Variants in MTFR1 observed in about 807,000 individuals in gnomAD.
MTFR1 encodes the protein chondrocyte protein with a poly-proline region.
In MTFR1, 28 loss-of-function variants were observed where a neutral mutation model predicts 38.8. The ratio of observed to expected loss-of-function variants is 0.72; its 90% CI spans 0.53 to 0.99. The LOEUF (loss-of-function observed/expected upper bound fraction) is 0.99. Ranked by LOEUF, MTFR1 falls within the 50% of genes least tolerant of loss-of-function variation. MTFR1 has a pLI of 0.00. For synonymous variants in MTFR1, 145 were observed against 137.0 expected (o/e 1.06, Z -0.41); for missense variants, 358 against 395.5 (o/e 0.91, Z 0.81).
intron 1 of MTFR1, among the ~76,000 whole-genome samples, chr8:65,667,319 T>A (rs1223319908): frequency 6.6e-6 from 1 of 150,606 alleles, no homozygotes; most frequent in Non-Finnish European, 1.5e-5. Context: ...CATGTTAAAA[T>A]TTTCTATAGA....
chr8:65,676,560 C>T (rs1028092914), intron 2 of MTFR1, among the ~76,000 whole-genome samples: 4 of 152,094 alleles, frequency 2.6e-5, no homozygotes, highest in Admixed American at 2.6e-4. Flanking sequence ...GACAGGGTTT[C>T]ACCATGTTGG....
intron 4 of MTFR1, among the ~76,000 whole-genome samples, chr8:65,695,556 C>T (rs1805416795): frequency 6.6e-6 from 1 of 152,108 alleles, no homozygotes; most frequent in African/African-American, 2.4e-5. Flanking sequence ...GGGGTTTCAC[C>T]ACGTTGGCCA....
chr8:65,652,689 T>C (rs569337482), intron 1 of MTFR1, among the ~76,000 whole-genome samples: 128 of 152,394 alleles, frequency 8.4e-4, no homozygotes, highest in Non-Finnish European at 1.4e-3. Context: ...ATAGAAATGC[T>C]ACTGAGTTTT....
At chr8:65,764,493 T>A (rs1278799864) in intron 3 of MTFR1, among the ~76,000 whole-genome samples, 1 of 152,174 alleles carries the variant, frequency 6.6e-6, no homozygotes, top group East Asian at 1.9e-4. Context: ...TGCAGTACAG[T>A]ATGAAAGTTA....
intron 3 of MTFR1, among the ~76,000 whole-genome samples, chr8:65,692,193 T>A (rs1300125028): frequency 6.6e-6 from 1 of 152,190 alleles, no homozygotes; most frequent in Non-Finnish European, 1.5e-5. Context: ...CACTCATACT[T>A]TTAGTAAGTA....
At chr8:65,753,163 T>G (rs1178760386) in intron 3 of MTFR1, among the ~76,000 whole-genome samples, 2 of 152,226 alleles carry the variant, frequency 1.3e-5, no homozygotes, top group Non-Finnish European at 2.9e-5. Context: ...TAAATTCTGC[T>G]GCTGTCTTCC....
intron 3 of MTFR1, among the ~76,000 whole-genome samples, chr8:65,720,221 T>G (rs1304962998): frequency 6.6e-6 from 1 of 152,234 alleles, no homozygotes; most frequent in Non-Finnish European, 1.5e-5. Flanking sequence ...GCACATTAGA[T>G]CTGACTTAAT....
intron 3 of MTFR1, among the ~76,000 whole-genome samples, chr8:65,740,855 C>A (rs999875584): frequency 1.3e-5 from 2 of 152,134 alleles, no homozygotes; most frequent in African/African-American, 2.4e-5. Flanking sequence ...GTTCTAGATT[C>A]TCTCATCTCT....
chr8:65,717,444 G>A (rs548527397), intron 2 of MTFR1: 1 of 152,298 alleles, frequency 6.6e-6, no homozygotes, highest in South Asian at 2.1e-4. Flanking sequence ...GTTCACCACT[G>A]TAGGAACAAA....
chr8:65,739,718 C>A, intron 3 of MTFR1: 1 of 1,083,812 alleles, frequency 9.2e-7, no homozygotes, highest in Non-Finnish European at 1.2e-6. Flanking sequence ...CACTTTTTGT[C>A]TATCAAAAAT....
At chr8:65,766,666 C>CTT (rs1238923401) in intron 3 of MTFR1, among the ~76,000 whole-genome samples, 1 of 152,234 alleles carries the variant, frequency 6.6e-6, no homozygotes, top group African/African-American at 2.4e-5. Flanking sequence ...CCTCTCTCCT[C>CTT]TTCCTCCATT....
chr8:65,684,047 A>G (rs1804991094), intron 3 of MTFR1, among the ~76,000 whole-genome samples: 1 of 152,116 alleles, frequency 6.6e-6, no homozygotes, highest in African/African-American at 2.4e-5. Flanking sequence ...TTCCAGGAAA[A>G]TGTGCTTCAG....
intron 4 of MTFR1, among the ~76,000 whole-genome samples, chr8:65,702,285 C>A (rs372264219): frequency 1.6e-4 from 22 of 136,224 alleles, no homozygotes; most frequent in African/African-American, 5.5e-4. Flanking sequence ...TGTTTCTTTT[C>A]TTTCTTTCTT....
At chr8:65,705,403 T>C (rs764479824) in intron 5 of MTFR1, among the ~76,000 whole-genome samples, 1 of 152,212 alleles carries the variant, frequency 6.6e-6, no homozygotes, top group Non-Finnish European at 1.5e-5. Context: ...CAGGTTTAGA[T>C]GGTGTTCATT....
intron 2 of MTFR1, among the ~76,000 whole-genome samples, chr8:65,671,885 C>A (rs1178828675): frequency 1.3e-5 from 2 of 152,214 alleles, no homozygotes; most frequent in Non-Finnish European, 2.9e-5. Context: ...TGTAAAGCAT[C>A]TAGCACAGTG....
chr8:65,738,061 A>AATATAGC (rs1263957643), intron 3 of MTFR1, among the ~76,000 whole-genome samples: 6 of 152,218 alleles, frequency 3.9e-5, no homozygotes, highest in African/African-American at 4.8e-5. Context: ...TGAATATTGC[A>AATATAGC]ATATAGCAAG....
rs966078866 is a variant in MTFR1 at position 65,719,107 on chromosome 8, G to C, written c.382-273G>C. The C allele has an allele frequency of 5.0e-6, 3 of 597,228 alleles. No individual in the cohort carries two copies. The African/African-American group carries it at 5.6e-5, about 11-fold the overall frequency. 37.0% of individuals were successfully genotyped at this position (597,228 alleles called of 1,614,324 possible). A position where few individuals can be genotyped will look rare whatever the true frequency, so the allele number is the denominator to read the frequency against. On this transcript the variant is annotated intron_variant, in intron 2 of 3. Transcript: ENST00000521247. ...CCAAATTCATATTGCTGTATGTTCG[G>C]GTCTTGCAATTAACAAGTGGGTTCA...
chr8:65,735,978 G>A (rs1807113404), intron 3 of MTFR1, among the ~76,000 whole-genome samples: 1 of 152,026 alleles, frequency 6.6e-6, no homozygotes, highest in South Asian at 2.1e-4. Context: ...ATATTCTTGG[G>A]GGATATGTTC....
At chr8:65,727,775 T>C (rs1162316006) in intron 3 of MTFR1, 2 of 152,856 alleles carry the variant, frequency 1.3e-5, no homozygotes, top group African/African-American at 4.8e-5. Flanking sequence ...TTAGTCCTGA[T>C]GTTTAAGGAG....
Sources: gnomAD v4.1 joint callset for allele counts (sites outside exome capture counted in the v4.1 genomes callset) on GRCh38, gnomAD v4.1.1 for gene constraint, MANE v1.5 for transcripts, NCBI Gene and HGNC (gene_info 2026-07-23, HGNC 2026-07-21) for gene names.